Variants in DMXL1 observed in about 807,000 individuals in gnomAD.
The protein encoded by DMXL1 is Dmx like 1, also known as dmX-like protein 1.
In DMXL1, 99 loss-of-function variants were observed where a neutral mutation model predicts 319.2. That is an observed-to-expected ratio of 0.31 (90% CI 0.26 to 0.37). DMXL1 has a LOEUF of 0.37. Ranked by LOEUF, DMXL1 falls within the 10% of genes least tolerant of loss-of-function variation. DMXL1 has a pLI of 1.00. For missense variants in DMXL1, 3,745 were observed against 3,595.6 expected (o/e 1.04, Z -1.06); for synonymous variants, 1,385 against 1,235.2 (o/e 1.12, Z -2.54).
At chr5:119,123,289 C>T (rs1026191848) in intron 9 of DMXL1, among the ~76,000 whole-genome samples, 9 of 141,248 alleles carry the variant, frequency 6.4e-5, no homozygotes, top group South Asian at 2.3e-4. Flanking sequence ...AGAGGGAGAG[C>T]GTGGAAAGAG....
intron 9 of DMXL1, among the ~76,000 whole-genome samples, chr5:119,124,412 C>T (rs543158784): frequency 6.6e-6 from 1 of 152,008 alleles, no homozygotes; most frequent in East Asian, 1.9e-4. Context: ...GAGAAGGGAA[C>T]CTCAACTTCA....
chr5:119,203,475 G>C (rs561303919), intron 33 of DMXL1, 39 bp downstream of exon 33: 1 of 1,255,866 alleles, frequency 8.0e-7, no homozygotes, highest in Non-Finnish European at 1.1e-6. Flanking sequence ...TTTTATTATT[G>C]AAGTCTTTTA....
intron 34 of DMXL1, among the ~76,000 whole-genome samples, chr5:119,211,640 A>T (rs1443067951): frequency 6.6e-6 from 1 of 152,194 alleles, no homozygotes; most frequent in Non-Finnish European, 1.5e-5. Flanking sequence ...ACACCATTTT[A>T]TGTTCACCTG....
intron 34 of DMXL1, among the ~76,000 whole-genome samples, chr5:119,211,752 C>G (rs1027530860): frequency 2.7e-4 from 41 of 152,326 alleles, no homozygotes; most frequent in Non-Finnish European, 4.4e-5. Flanking sequence ...TCCAAGTACA[C>G]AACCTTATAT....
Position 119,116,042 on chromosome 5 carries a change from C to T in DMXL1, c.565-116C>T, listed in dbSNP as rs946798164. 5.0e-5 allele frequency: 45 copies of T among 896,546 alleles called. 1 individual carries two copies. Among genetic ancestry groups the T allele is most frequent in the Middle Eastern group, 6.9e-4 (2 of 2,912 alleles). The allele number at this position is 896,546 out of a possible 1,614,324, so 55.5% of individuals were successfully genotyped here. ...ATTTTCTTAATTCCTCTGTGCTCAA[C>T]GTCTCTTCCCATCCCCAAGTTCTTG... On this transcript the variant is annotated intron_variant, in intron 6 of 43. Transcript: ENST00000539542.
At position 119,173,672 on chromosome 5, in the gene DMXL1, A is replaced by ATGTGTGTGTGTGTGTGTGTGTGTGTGTG. The variant is rs771056976; in HGVS notation, c.6682-1562_6682-1561insGTGTGTGTGTGTGTGTGTGTGTGTGTGT. Among the ~76,000 whole-genome samples the ATGTGTGTGTGTGTGTGTGTGTGTGTGTG allele has an allele frequency of 2.1e-4, 23 of 110,220 alleles. 1 individual carries two copies. Among genetic ancestry groups the ATGTGTGTGTGTGTGTGTGTGTGTGTGTG allele is most frequent in the African/African-American group, 5.5e-4 (19 of 34,370 alleles). The allele number at this position is 110,220 out of a possible 152,430, so 72.3% of individuals were successfully genotyped here. ...CAAAGAAACAGAATCAGTAGGATGT[A>ATGTGTGTGTGTGTGTGTGTGTGTGTGTG]TGTGTGTGTGTGTGTGTGTGTGTGT... On this transcript the variant is annotated intron_variant, in intron 25 of 43. Transcript: ENST00000539542.
intron 34 of DMXL1, among the ~76,000 whole-genome samples, chr5:119,209,418 C>T (rs754350481): frequency 6.7e-6 from 1 of 150,042 alleles, no homozygotes; most frequent in Non-Finnish European, 1.5e-5. Flanking sequence ...GGTGTGATTG[C>T]GGCTCACTGC....
intron 19 of DMXL1, among the ~76,000 whole-genome samples, chr5:119,156,532 T>C (rs955068807): frequency 6.6e-6 from 1 of 152,228 alleles, no homozygotes; most frequent in Non-Finnish European, 1.5e-5. Context: ...ACTAAACTAT[T>C]GTGAAGAAAA....
chr5:119,135,976 T>A (rs1407741114), intron 13 of DMXL1, among the ~76,000 whole-genome samples: 1 of 152,166 alleles, frequency 6.6e-6, no homozygotes, highest in Non-Finnish European at 1.5e-5. Flanking sequence ...TGGAATAGTT[T>A]GGAGGGCTCA....
At chr5:119,083,917 G>C (rs1752758936) in intron 1 of DMXL1, among the ~76,000 whole-genome samples, 1 of 152,094 alleles carries the variant, frequency 6.6e-6, no homozygotes, top group African/African-American at 2.4e-5. Flanking sequence ...CACAGTACCA[G>C]GGTTCTCCTT....
rs1209596684 is a variant in DMXL1 at position 119,071,435 on chromosome 5, T to G, written c.-135T>G. On this transcript the variant is annotated 5_prime_UTR_variant, in exon 1 of 44. Coordinates refer to ENST00000539542, the MANE Select transcript of DMXL1 (RefSeq NM_001290321.3). ...CGGGCCCCAGCTGAGCGGCTCCGGCTCCAGGCGCCTGTCGCTGCTTCTGCC... is the reference window on the plus strand; with the variant it reads ...CGGGCCCCAGCTGAGCGGCTCCGGCGCCAGGCGCCTGTCGCTGCTTCTGCC... 1 of 866,610 alleles carries G rather than the reference T, an allele frequency of 1.2e-6. No homozygotes were observed. The highest frequency in any genetic ancestry group is 1.7e-5 in the African/African-American group (1 of 57,820). The allele number at this position is 866,610 out of a possible 1,614,324, so 53.7% of individuals were successfully genotyped here. A position where few individuals can be genotyped will look rare whatever the true frequency, so the allele number is the denominator to read the frequency against.
At position 119,166,664 on chromosome 5, in the gene DMXL1, G is replaced by A; in HGVS notation, c.5019G>A (p.Glu1673=). The change falls in exon 22 of 44, where the codon GAG becomes GAA. Residue 1673 remains glutamate, a synonymous_variant. Coordinates refer to ENST00000539542, the MANE Select transcript of DMXL1 (RefSeq NM_001290321.3). ...CACAGTTTTTTGGACACAATTTTGA[G>A]GATGAGAGGTGGCGTAAAGCAGCTT... ...RMTQFFGHNF[E]DERWRKAALK... 1.2e-6 allele frequency: 2 copies of A among 1,611,222 alleles called. No individual in the cohort carries two copies. The highest frequency in any genetic ancestry group is 1.7e-6 in the Non-Finnish European group (2 of 1,178,990).
chr5:119,197,873 T>A lies in DMXL1; in HGVS notation c.7662T>A (p.Ser2554Arg). The change falls in exon 32 of 44, where the codon AGT (serine) becomes AGA (arginine). Residue 2554 changes from serine (S) to arginine (R), a missense_variant. Ser to Arg is a moderately radical substitution (Grantham distance 110). Coordinates refer to ENST00000539542, the MANE Select transcript of DMXL1 (RefSeq NM_001290321.3). ...HGGPPQNYIA[S>R]HTAEESLSAG... ...GGCCACCTCAAAATTATATCGCAAG[T>A]CATACCGCCGAAGAGAGTTTGTCTG... The A allele has an allele frequency of 6.2e-7, 1 of 1,614,198 alleles. No individual in the cohort carries two copies. The highest frequency in any genetic ancestry group is 1.3e-5 in the African/African-American group (1 of 75,054).
At chr5:119,117,135 C>T (rs1052271699) in intron 7 of DMXL1, among the ~76,000 whole-genome samples, 1 of 152,134 alleles carries the variant, frequency 6.6e-6, no homozygotes, top group Non-Finnish European at 1.5e-5. Context: ...CTCAAGTGAT[C>T]CTCCCGCCTC....
intron 1 of DMXL1, among the ~76,000 whole-genome samples, chr5:119,075,247 T>C (rs1750560105): frequency 6.7e-6 from 1 of 150,252 alleles, no homozygotes; most frequent in Non-Finnish European, 1.5e-5. Flanking sequence ...TTTTCTTTTT[T>C]TTTTTTTTTG....
chr5:119,244,684 C>A, intron 43 of DMXL1, 108 bp downstream of exon 43: 1 of 735,234 alleles, frequency 1.4e-6, no homozygotes, highest in Non-Finnish European at 2.2e-6. Flanking sequence ...TATATTAATT[C>A]CTTTGTAGTC....
At position 119,114,467 on chromosome 5, in the gene DMXL1, A is replaced by C. The variant is rs766554706; in HGVS notation, c.498-8A>C. The C allele has an allele frequency of 3.8e-6, 6 of 1,594,424 alleles. No individual in the cohort carries two copies. The East Asian group carries it at 1.1e-4, about 30-fold the overall frequency. On this transcript the variant is annotated splice_region_variant and splice_polypyrimidine_tract_variant and intron_variant, in intron 5 of 43. Transcript: ENST00000539542. ...TTGCAAATTATTCCTTATCTGTTTA[A>C]TTTACAGAACTGCTTCCCAAGTTCA...
At chr5:119,238,594 C>T (rs1788177713) in intron 40 of DMXL1, among the ~76,000 whole-genome samples, 1 of 152,084 alleles carries the variant, frequency 6.6e-6, no homozygotes, top group Non-Finnish European at 1.5e-5. Flanking sequence ...CAGAAATTTT[C>T]ACTATGCTAG....
chr5:119,106,254 A>G (rs1758319299), intron 4 of DMXL1, among the ~76,000 whole-genome samples: 2 of 152,228 alleles, frequency 1.3e-5, no homozygotes, highest in African/African-American at 4.8e-5. Context: ...GAGTGAAAGT[A>G]GAAGCTGCAA....
Sources: gnomAD v4.1 joint callset for allele counts (sites outside exome capture counted in the v4.1 genomes callset) on GRCh38, gnomAD v4.1.1 for gene constraint, MANE v1.5 for transcripts, NCBI Gene and HGNC (gene_info 2026-07-23, HGNC 2026-07-21) for gene names.